DHRSX: variants seen among roughly 807,000 people sequenced by gnomAD.
The protein encoded by DHRSX is polyprenol dehydrogenase.
In DHRSX, 31 loss-of-function variants were observed where a neutral mutation model predicts 34.0. That is an observed-to-expected ratio of 0.91 (90% confidence interval 0.69 to 1.23). The LOEUF (loss-of-function observed/expected upper bound fraction) is 1.23. Ranked by LOEUF, DHRSX falls within the 50% of genes most tolerant of loss-of-function variation. The pLI, the probability that DHRSX is intolerant of heterozygous loss-of-function variation, is 0.00. For missense variants in DHRSX, 414 were observed against 428.1 expected (o/e 0.97, Z 0.29); for synonymous variants, 201 against 183.8 (o/e 1.09, Z -0.76).
At chrX:2,482,209 A>T (rs1047546370) in intron 1 of DHRSX, among the ~76,000 whole-genome samples, 1 of 151,084 alleles carries the variant, frequency 6.6e-6, no homozygotes, top group African/African-American at 2.4e-5. Context: ...ATTTCACTGC[A>T]GCCTCCAACT....
chrX:2,421,958 A>G (rs750139756), intron 2 of DHRSX, among the ~76,000 whole-genome samples: 1 of 152,302 alleles, frequency 6.6e-6, no homozygotes, highest in South Asian at 2.1e-4. Context: ...CTGTCCAATG[A>G]GCACCAACAG....
chrX:2,295,698 GT>G (rs2041923525), intron 3 of DHRSX, among the ~76,000 whole-genome samples: 1 of 152,150 alleles, frequency 6.6e-6, no homozygotes, highest in Admixed American at 6.5e-5. Context: ...CTGAGTCTGT[GT>G]TATTTTGTTA....
intron 1 of DHRSX, chrX:2,490,819 G>A (rs1019153975): frequency 1.4e-5 from 21 of 1,494,140 alleles, no homozygotes; most frequent in Admixed American, 6.3e-5. Context: ...ACCCAGGCAC[G>A]CACGGGAGCC....
intron 6 of DHRSX, among the ~76,000 whole-genome samples, chrX:2,223,346 C>T (rs770346943): frequency 4.6e-5 from 7 of 152,300 alleles, no homozygotes; most frequent in East Asian, 3.9e-4. Flanking sequence ...CTTCACCTTC[C>T]GCCATGATTG....
chrX:2,396,178 G>A (rs906991707), intron 3 of DHRSX, among the ~76,000 whole-genome samples: 1 of 151,870 alleles, frequency 6.6e-6, no homozygotes, highest in Admixed American at 6.6e-5. Flanking sequence ...TCTCCTACAA[G>A]GACAGCTATC....
chrX:2,299,431 A>G (rs888640657), intron 3 of DHRSX, among the ~76,000 whole-genome samples: 55 of 152,248 alleles, frequency 3.6e-4, no homozygotes, highest in African/African-American at 1.3e-3. Context: ...CGTAGCCCAC[A>G]CACCACACCC....
At chrX:2,397,487 T>G (rs1388228102) in intron 3 of DHRSX, among the ~76,000 whole-genome samples, 1 of 152,066 alleles carries the variant, frequency 6.6e-6, no homozygotes, top group Non-Finnish European at 1.5e-5. Context: ...AATAGTTATT[T>G]TCACACGTGC....
At chrX:2,451,901 A>T (rs971605714) in intron 1 of DHRSX, among the ~76,000 whole-genome samples, 2 of 151,774 alleles carry the variant, frequency 1.3e-5, no homozygotes, top group Non-Finnish European at 2.9e-5. Context: ...GACAACACTG[A>T]AGACGTTCCC....
intron 1 of DHRSX, among the ~76,000 whole-genome samples, chrX:2,429,260 T>C (rs1253969692): frequency 4.6e-5 from 7 of 152,190 alleles, no homozygotes; most frequent in East Asian, 1.9e-4. Flanking sequence ...TATTATTAAA[T>C]TGTAATTACA....
At chrX:2,290,197 A>C (rs963984575) in intron 4 of DHRSX, among the ~76,000 whole-genome samples, 2 of 152,298 alleles carry the variant, frequency 1.3e-5, no homozygotes, top group African/African-American at 4.8e-5. Context: ...CCAATTAAAC[A>C]AGTGGGTTGA....
At chrX:2,489,520 G>A (rs377517735) in intron 1 of DHRSX, 8 of 1,612,956 alleles carry the variant, frequency 5.0e-6, no homozygotes, top group Non-Finnish European at 6.8e-6. Context: ...AGGGCTGCAG[G>A]AGCTCCACCA....
At chrX:2,296,121 T>G (rs2041929068) in intron 3 of DHRSX, among the ~76,000 whole-genome samples, 1 of 152,174 alleles carries the variant, frequency 6.6e-6, no homozygotes, top group Non-Finnish European at 1.5e-5. Context: ...TTGCACCTCC[T>G]CACTTGCATG....
At chrX:2,345,070 C>G (rs1411886967) in intron 3 of DHRSX, among the ~76,000 whole-genome samples, 3 of 151,660 alleles carry the variant, frequency 2.0e-5, no homozygotes, top group African/African-American at 4.8e-5. Flanking sequence ...AACATACACA[C>G]CTGATCACAA....
intron 3 of DHRSX, among the ~76,000 whole-genome samples, chrX:2,349,500 A>G (rs1246652277): frequency 6.6e-6 from 1 of 151,622 alleles, no homozygotes; most frequent in Non-Finnish European, 1.5e-5. Flanking sequence ...AGCCCAGCCA[A>G]CATGGTGAAA....
At chrX:2,250,938 T>C (rs951895737) in intron 5 of DHRSX, among the ~76,000 whole-genome samples, 2 of 152,128 alleles carry the variant, frequency 1.3e-5, no homozygotes, top group Admixed American at 6.6e-5. Flanking sequence ...AAAGACAGAG[T>C]GGATCACAGA....
At chrX:2,437,944 A>G (rs2044014675) in intron 1 of DHRSX, among the ~76,000 whole-genome samples, 1 of 151,994 alleles carries the variant, frequency 6.6e-6, no homozygotes, top group African/African-American at 2.4e-5. Flanking sequence ...AACCATTCTA[A>G]GCGAACCTCA....
intron 3 of DHRSX, among the ~76,000 whole-genome samples, chrX:2,345,159 T>C (rs1022481689): frequency 6.6e-6 from 1 of 151,910 alleles, no homozygotes; most frequent in Non-Finnish European, 1.5e-5. Context: ...GGTACTCTTG[T>C]TCTGAGGCAC....
intron 1 of DHRSX, among the ~76,000 whole-genome samples, chrX:2,437,251 A>G (rs950406891): frequency 2.6e-5 from 4 of 152,056 alleles, no homozygotes; most frequent in East Asian, 1.9e-4. Flanking sequence ...CGCCCACCTC[A>G]GCCTCCCAAA....
At chrX:2,442,254 T>C (rs1007706946) in intron 1 of DHRSX, among the ~76,000 whole-genome samples, 19 of 149,482 alleles carry the variant, frequency 1.3e-4, no homozygotes, top group African/African-American at 4.2e-4. Context: ...ATCCTCATCG[T>C]CTCCATGCTG....
Sources: allele counts gnomAD v4.1 joint callset (sites outside exome capture counted in the v4.1 genomes callset), GRCh38; gene constraint gnomAD v4.1.1; transcripts MANE v1.5; gene names NCBI Gene and HGNC (gene_info 2026-07-23, HGNC 2026-07-21).